Variants in MCTP2 observed in about 807,000 individuals in gnomAD.
MCTP2 encodes the protein multiple C2 and transmembrane domain containing 2.
In MCTP2, 132 loss-of-function variants were observed where a neutral mutation model predicts 111.6. The observed-to-expected ratio is 1.18, with a 90% confidence interval of 1.03 to 1.37. MCTP2 has a LOEUF of 1.37. MCTP2 is among the 40% of genes most tolerant of loss of function. MCTP2 has a pLI of 0.00. For synonymous variants in MCTP2, 395 were observed against 387.7 expected (o/e 1.02, Z -0.22); for missense variants, 1,183 against 1,067.9 (o/e 1.11, Z -1.50).
chr15:94,476,585 A>T lies in MCTP2; in HGVS notation c.2471-111A>T, dbSNP rs868105650. 2.3e-5 allele frequency: 16 copies of T among 699,542 alleles called. No homozygotes were observed. In the South Asian group the frequency reaches 2.7e-4, roughly 12 times the overall value. 43.3% of individuals were successfully genotyped at this position (699,542 alleles called of 1,614,324 possible). On this transcript the variant is annotated intron_variant, in intron 21 of 22. Transcript: ENST00000357742. ...GCGAGTTTTTGAAGATAGATGCTAG[A>T]TAGATAGATGATTGACTGACAGATA...
rs148210504 is a variant in MCTP2, at chr15:94,305,346, A to G, written c.465+6616A>G. 3.5e-3 allele frequency among the ~76,000 whole-genome samples: 537 copies of G among 152,328 alleles called. 1 individual carries two copies. Among genetic ancestry groups the G allele is most frequent in the Non-Finnish European group, 6.5e-3 (439 of 68,028 alleles). On this transcript the variant is annotated intron_variant, in intron 2 of 22. Transcript: ENST00000357742. ...TTTGTTATAGTCGCCTGAGCTGACTAACTCTGTGATCTTAACAGTTTTAGC... is the reference window on the plus strand; with the variant it reads ...TTTGTTATAGTCGCCTGAGCTGACTGACTCTGTGATCTTAACAGTTTTAGC...
At chr15:94,248,934 A>G (rs555284138) in intron 1 of MCTP2, among the ~76,000 whole-genome samples, 10 of 152,336 alleles carry the variant, frequency 6.6e-5, no homozygotes, top group Non-Finnish European at 1.5e-4. Context: ...GTCAGAAGGA[A>G]TGGTAATACA....
chr15:94,303,614 C>G (rs1022966137), intron 2 of MCTP2, among the ~76,000 whole-genome samples: 1 of 152,156 alleles, frequency 6.6e-6, no homozygotes, highest in African/African-American at 2.4e-5. Flanking sequence ...TTCACTGTCA[C>G]GAGAACAGCA....
intron 8 of MCTP2, among the ~76,000 whole-genome samples, chr15:94,346,427 A>C (rs2077985751): frequency 6.6e-6 from 1 of 152,176 alleles, no homozygotes; most frequent in South Asian, 2.1e-4. Context: ...CATTTGCCTT[A>C]TTCCTTTATA....
At chr15:94,432,365 C>T (rs980739471) in intron 17 of MCTP2, among the ~76,000 whole-genome samples, 1 of 152,050 alleles carries the variant, frequency 6.6e-6, no homozygotes, top group South Asian at 2.1e-4. Context: ...CACAAAAGAA[C>T]ACTTAATTTT....
intron 8 of MCTP2, 113 bp downstream of exon 8, chr15:94,345,277 TTTCCTC>T: frequency 1.9e-6 from 2 of 1,070,026 alleles, no homozygotes; most frequent in Non-Finnish European, 2.7e-6. Context: ...ACAGAATTCT[TTTCCTC>T]TTACTGCTGT....
chr15:94,456,715 T>G lies in MCTP2; in HGVS notation c.2251-1422T>G, dbSNP rs544790247. 4.6e-5 allele frequency among the ~76,000 whole-genome samples: 7 copies of G among 152,368 alleles called. No individual in the cohort carries two copies. In the South Asian group the frequency reaches 1.2e-3, roughly 27 times the overall value. On this transcript the variant is annotated intron_variant, in intron 19 of 22. Coordinates refer to ENST00000357742, the MANE Select transcript of MCTP2 (RefSeq NM_001385001.1). ...GAAGCAATGAACCTGGTTTTCCTTC[T>G]GCACAGAATGAATGGATAAAGGAGT...
In MCTP2 at chr15:94,479,009, T is replaced by G; in HGVS notation, c.2612T>G (p.Leu871Arg). ...AAACTCTGCAGCAGCCACAGCCCCCTGCGGAAGAAGCGCAGCGCTCTCTAG... is the reference window on the plus strand; with the variant it reads ...AAACTCTGCAGCAGCCACAGCCCCCGGCGGAAGAAGCGCAGCGCTCTCTAG... The part of the protein sequence containing the change: ...ELKLCSSHSP[L>R]RKKRSAL Residue 871 changes from leucine to arginine, a missense_variant, in exon 23 of 23, where the codon CTG (leucine) becomes CGG (arginine). Leu to Arg is a moderately radical substitution (Grantham distance 102, BLOSUM62 -2). Transcript: ENST00000357742. 1 of 1,614,098 alleles carries G rather than the reference T, an allele frequency of 6.2e-7. No individual in the cohort carries two copies. The highest frequency in any genetic ancestry group is 8.5e-7 in the Non-Finnish European group (1 of 1,180,008).
intron 4 of MCTP2, among the ~76,000 whole-genome samples, chr15:94,338,735 G>C (rs1415233732): frequency 1.3e-5 from 2 of 152,200 alleles, no homozygotes; most frequent in East Asian, 3.8e-4. Flanking sequence ...TTTAGTGCAG[G>C]TGCGGGGACG....
chr15:94,308,779 G>A (rs2076000203), intron 2 of MCTP2, among the ~76,000 whole-genome samples: 9 of 152,166 alleles, frequency 5.9e-5, no homozygotes, highest in Admixed American at 5.9e-4. Context: ...CTCAAGGTGA[G>A]GTCACATGAC....
At chr15:94,261,306 A>G (rs1054858319) in intron 1 of MCTP2, among the ~76,000 whole-genome samples, 1 of 152,138 alleles carries the variant, frequency 6.6e-6, no homozygotes, top group African/African-American at 2.4e-5. Flanking sequence ...GGCAAAATAA[A>G]CTTTCTAAAT....
chr15:94,393,430 G>A (rs557129218), intron 14 of MCTP2, among the ~76,000 whole-genome samples: 183 of 152,214 alleles, frequency 1.2e-3, no homozygotes, highest in African/African-American at 3.5e-3. Flanking sequence ...GCTTACCATC[G>A]GGGAAAATGT....
intron 4 of MCTP2, among the ~76,000 whole-genome samples, chr15:94,331,565 C>T (rs181580942): frequency 4.3e-4 from 66 of 152,274 alleles, no homozygotes; most frequent in African/African-American, 1.5e-3. Context: ...TTCCCTAGAC[C>T]TGCCTTATGT....
chr15:94,453,778 G>C (rs1189005687), intron 19 of MCTP2, among the ~76,000 whole-genome samples: 1 of 152,076 alleles, frequency 6.6e-6, no homozygotes, highest in East Asian at 1.9e-4. Context: ...CTACCCTGGG[G>C]CCTTGACTTG....
chr15:94,383,996 GA>G (rs540451864), intron 12 of MCTP2, 25 bp from the exon 13 acceptor site: 365 of 1,509,086 alleles, frequency 2.4e-4, no homozygotes, highest in Non-Finnish European at 3.2e-4. Flanking sequence ...ACTTGTCTTT[GA>G]CCGATGTGTA....
In MCTP2 at chr15:94,370,133, A is replaced by G; in HGVS notation, c.1535A>G (p.Gln512Arg). ...LKDVKDVGIL[Q>R]VKVLKAADLL... ...GATGTGAAAGACGTCGGCATTCTAC[A>G]AGTGAAGGTTTTAAAGGCAGCAGAT... is the stretch of plus-strand genomic sequence containing the variant. Residue 512 changes from glutamine (Q) to arginine (R), a missense_variant, in exon 12 of 23, where the codon CAA becomes CGA. Transcript: ENST00000357742. The G allele has an allele frequency of 1.2e-6, 2 of 1,613,550 alleles. No individual in the cohort carries two copies. Among genetic ancestry groups the G allele is most frequent in the Non-Finnish European group, 1.7e-6 (2 of 1,179,726 alleles).
chr15:94,233,082 T>C (rs948973742), intron 1 of MCTP2, among the ~76,000 whole-genome samples: 2 of 152,144 alleles, frequency 1.3e-5, no homozygotes, highest in Non-Finnish European at 2.9e-5. Flanking sequence ...GTCTCTAAGA[T>C]GGAGAGTGTA....
chr15:94,341,106 C>T (rs763350642), intron 7 of MCTP2, 182 bp downstream of exon 7: 15 of 492,026 alleles, frequency 3.0e-5, no homozygotes, highest in East Asian at 9.1e-5. Flanking sequence ...TTTGAGGAAC[C>T]GGAAAGGAAA....
rs368511761 is a variant in MCTP2 at position 94,384,093 on chromosome 15, C to T, written c.1654C>T (p.Leu552Phe). The T allele has an allele frequency of 4.3e-6, 7 of 1,613,734 alleles. No individual in the cohort carries two copies. In the South Asian group the frequency reaches 7.7e-5, roughly 18 times the overall value. Residue 552 changes from leucine (L) to phenylalanine (F), a missense_variant, in exon 13 of 23, where the codon CTC (leucine) becomes TTC (phenylalanine). Leu to Phe is a conservative substitution (Grantham distance 22). Transcript: ENST00000357742. Reference protein sequence around the residue: ...RLQTHTVYKNLNPEWNKVFTF... With the variant: ...RLQTHTVYKNFNPEWNKVFTF... ...TCAGACGCATACCGTCTACAAAAAC[C>T]TCAACCCTGAATGGAACAAAGTTTT...
Sources: gnomAD v4.1 joint callset for allele counts (sites outside exome capture counted in the v4.1 genomes callset) on GRCh38, gnomAD v4.1.1 for gene constraint, MANE v1.5 for transcripts, NCBI Gene and HGNC (gene_info 2026-07-23, HGNC 2026-07-21) for gene names.